Variants in LRRC7 observed in about 807,000 individuals in gnomAD.
LRRC7 encodes leucine rich repeat containing 7.
Under a neutral mutation model 175.7 loss-of-function variants are expected in LRRC7, and 23 were observed. That is an observed-to-expected ratio of 0.13 (90% confidence interval 0.09 to 0.19). The LOEUF (loss-of-function observed/expected upper bound fraction) is 0.19, where lower values mean the gene tolerates loss of function less well. LRRC7 is among the 10% of genes least tolerant of loss of function. The pLI is 1.00. For missense variants in LRRC7, 1,354 were observed against 1,904.7 expected (o/e 0.71, Z 5.38); for synonymous variants, 685 against 680.9 (o/e 1.01, Z -0.09).
chr1:70,069,189 G>A (rs1273465263), intron 23 of LRRC7, among the ~76,000 whole-genome samples: 1 of 152,190 alleles, frequency 6.6e-6, no homozygotes. Flanking sequence ...ATAAAGGAAG[G>A]AGATTTAATT....
At chr1:69,851,101 GAGTCAATTGTACCAAATGTTACTGAGA>G (rs1682929451) in intron 7 of LRRC7, among the ~76,000 whole-genome samples, 2 of 151,974 alleles carry the variant, frequency 1.3e-5, no homozygotes, top group African/African-American at 4.8e-5. Flanking sequence ...TGAGAGGGAG[GAGTCAATTGTACCAAATGTTACTGAGA>G]AGTCAATTAA....
chr1:69,870,105 AG>A (rs1685367121), intron 7 of LRRC7, among the ~76,000 whole-genome samples: 1 of 152,140 alleles, frequency 6.6e-6, no homozygotes, highest in Non-Finnish European at 1.5e-5. Flanking sequence ...AAATTCAGAG[AG>A]CAGTGGGGCA....
intron 1 of LRRC7, among the ~76,000 whole-genome samples, chr1:69,573,097 C>A (rs552558150): frequency 2.2e-4 from 33 of 152,234 alleles, no homozygotes; most frequent in African/African-American, 7.5e-4. Flanking sequence ...TGCTAAACTC[C>A]TACCATGAGT....
At chr1:69,867,014 A>G (rs1685020040) in intron 7 of LRRC7, among the ~76,000 whole-genome samples, 1 of 152,194 alleles carries the variant, frequency 6.6e-6, no homozygotes, top group South Asian at 2.1e-4. Flanking sequence ...TAAATAAACT[A>G]GCAAAGTCTC....
intron 2 of LRRC7, among the ~76,000 whole-genome samples, chr1:69,681,289 A>G (rs1660459783): frequency 6.6e-6 from 1 of 152,174 alleles, no homozygotes; most frequent in Non-Finnish European, 1.5e-5. Context: ...TATCATAGAA[A>G]GTCAAATCAT....
chr1:69,770,285 A>G (rs72941458), intron 3 of LRRC7, among the ~76,000 whole-genome samples: 2 of 152,170 alleles, frequency 1.3e-5, no homozygotes, highest in Non-Finnish European at 2.9e-5. Context: ...TATGCTTTCA[A>G]TCGATGCTTC....
chr1:69,907,165 G>C (rs141413534), intron 7 of LRRC7, among the ~76,000 whole-genome samples: 1,850 of 152,252 alleles, frequency 0.012, 22 homozygotes, highest in Middle Eastern at 0.12. Flanking sequence ...TTTGGGCTGA[G>C]ACAATGGGGT....
Position 69,615,629 on chromosome 1 carries a change from T to C in LRRC7, c.2+46988T>C, listed in dbSNP as rs567052021. Among the ~76,000 whole-genome samples the C allele has an allele frequency of 1.5e-3, 235 of 152,096 alleles. 1 individual carries two copies. Among genetic ancestry groups the C allele is most frequent in the Non-Finnish European group, 2.9e-3 (200 of 67,948 alleles). On this transcript the variant is annotated intron_variant, in intron 1 of 26. Coordinates refer to ENST00000651989, the MANE Select transcript of LRRC7 (RefSeq NM_001370785.2). The stretch of plus-strand genomic sequence containing the variant: ...AGCTAAACACAGTCTTGAAACAAGA[T>C]GAAAGAGTCTATATATACATGCAAT...
At chr1:69,984,774 T>G (rs1653778211) in intron 9 of LRRC7, among the ~76,000 whole-genome samples, 1 of 152,196 alleles carries the variant, frequency 6.6e-6, no homozygotes, top group African/African-American at 2.4e-5. Context: ...TTTTGAAAGT[T>G]CCCTGAAGTT....
In LRRC7 at chr1:69,929,560, T is replaced by C. The variant is rs562761681; in HGVS notation, c.648-1947T>C. Among the ~76,000 whole-genome samples the C allele has an allele frequency of 4.6e-5, 7 of 152,238 alleles. No homozygotes were observed. The East Asian group carries it at 7.7e-4, about 17-fold the overall frequency. ...CTACCACATCTCAGCACCTTTACCA[T>C]TGCCTTATTATGGCCACCACTGTGG... is the stretch of plus-strand genomic sequence containing the variant. On this transcript the variant is annotated intron_variant, in intron 7 of 26. Transcript: ENST00000651989.
intron 8 of LRRC7, among the ~76,000 whole-genome samples, chr1:69,979,426 A>G (rs895331658): frequency 6.6e-6 from 1 of 152,226 alleles, no homozygotes; most frequent in African/African-American, 2.4e-5. Flanking sequence ...GACAGCATCT[A>G]GTTAGAGAAA....
At chr1:69,796,820 A>G (rs1211867774) in intron 4 of LRRC7, among the ~76,000 whole-genome samples, 1 of 151,966 alleles carries the variant, frequency 6.6e-6, no homozygotes, top group Non-Finnish European at 1.5e-5. Context: ...AACAACAACA[A>G]CAAAAAACAG....
At chr1:70,106,700 C>A (rs17131206) in intron 25 of LRRC7, among the ~76,000 whole-genome samples, 2,667 of 152,232 alleles carry the variant, frequency 0.018, 52 homozygotes, top group African/African-American at 0.043. Flanking sequence ...CAATCCCATC[C>A]ACTACCACCC....
At chr1:69,691,154 C>T (rs1001840718) in intron 2 of LRRC7, among the ~76,000 whole-genome samples, 1 of 152,146 alleles carries the variant, frequency 6.6e-6, no homozygotes, top group African/African-American at 2.4e-5. Flanking sequence ...AGAGGGCAAG[C>T]TGGCCTAGTG....
rs546710970 is a variant in LRRC7, at chr1:69,763,545, C to T, written c.303+3152C>T. 4.6e-5 allele frequency among the ~76,000 whole-genome samples: 7 copies of T among 151,910 alleles called. No homozygotes were observed. In the South Asian group the frequency reaches 6.2e-4, roughly 14 times the overall value. On this transcript the variant is annotated intron_variant, in intron 3 of 26. Coordinates refer to ENST00000651989, the MANE Select transcript of LRRC7 (RefSeq NM_001370785.2). ...TTACTGTAATTGGGCTAAATAATAA[C>T]GGGTCACCTCTGTAGAGTTGTGGCT...
intron 1 of LRRC7, among the ~76,000 whole-genome samples, chr1:69,615,007 T>C (rs1371554983): frequency 2.0e-5 from 3 of 152,086 alleles, no homozygotes; most frequent in African/African-American, 7.2e-5. Flanking sequence ...ACTTTTTCCA[T>C]CTTTGAGCCA....
chr1:69,816,299 G>A (rs1284820287), intron 4 of LRRC7, among the ~76,000 whole-genome samples: 5 of 152,124 alleles, frequency 3.3e-5, no homozygotes, highest in Non-Finnish European at 7.4e-5. Context: ...TTTAATAAGG[G>A]CACTTATCCT....
At chr1:69,752,337 G>A (rs1391106989) in intron 2 of LRRC7, among the ~76,000 whole-genome samples, 3 of 152,048 alleles carry the variant, frequency 2.0e-5, no homozygotes, top group Non-Finnish European at 4.4e-5. Context: ...CAACTAATGA[G>A]GACAGCCAGG....
chr1:69,744,118 G>A (rs564955621), intron 2 of LRRC7, among the ~76,000 whole-genome samples: 2 of 151,416 alleles, frequency 1.3e-5, no homozygotes, highest in East Asian at 3.9e-4. Flanking sequence ...ACTATGATTG[G>A]GGAAAATATA....
Sources: gnomAD v4.1 joint callset for allele counts (sites outside exome capture counted in the v4.1 genomes callset) on GRCh38, gnomAD v4.1.1 for gene constraint, MANE v1.5 for transcripts, NCBI Gene and HGNC (gene_info 2026-07-23, HGNC 2026-07-21) for gene names.